SEMA6D: variants seen among roughly 807,000 people sequenced by gnomAD.
The protein encoded by SEMA6D is semaphorin 6D, also known as semaphorin-6D.
A neutral mutation model predicts 106.6 loss-of-function variants in SEMA6D; 35 were observed. The observed-to-expected ratio is 0.33, with a 90% CI of 0.25 to 0.44. The LOEUF is 0.44. Ranked by LOEUF, SEMA6D falls within the 20% of genes least tolerant of loss-of-function variation. The pLI, the probability that SEMA6D is intolerant of heterozygous loss-of-function variation, is 1.00. For missense variants in SEMA6D, 1,185 were observed against 1,345.9 expected (o/e 0.88, Z 1.87); for synonymous variants, 499 against 487.7 (o/e 1.02, Z -0.31).
At chr15:47,319,321 C>T (rs2036829887) in intron 1 of SEMA6D, among the ~76,000 whole-genome samples, 1 of 152,074 alleles carries the variant, frequency 6.6e-6, no homozygotes, top group African/African-American at 2.4e-5. Context: ...TTTGCTCTGC[C>T]TCTTCATGTT....
At chr15:47,283,593 C>A (rs2035228886) in intron 1 of SEMA6D, among the ~76,000 whole-genome samples, 1 of 152,164 alleles carries the variant, frequency 6.6e-6, no homozygotes, top group Non-Finnish European at 1.5e-5. Context: ...GACTTTTCGA[C>A]TTCAGAAAGA....
rs1228740454 is a variant in SEMA6D at position 47,348,718 on chromosome 15, CCACA to C, written c.-238-63668_-238-63665del. Among the ~76,000 whole-genome samples, 34 of 48,012 alleles carry C rather than the reference CCACA, an allele frequency of 7.1e-4. 3 individuals carry two copies. The highest frequency in any genetic ancestry group is 2.0e-3 in the South Asian group (2 of 986). The allele number at this position is 48,012 out of a possible 152,430, so 31.5% of individuals were successfully genotyped here. On this transcript the variant is annotated intron_variant, in intron 1 of 19. Transcript: ENST00000558014. The stretch of plus-strand genomic sequence containing the variant: ...ACACACACACACACACACACACACA[CCACA>C]CACACAGAGAGAGAGAGAGAGAGAG...
intron 1 of SEMA6D, among the ~76,000 whole-genome samples, chr15:47,739,599 T>C (rs1375168409): frequency 6.6e-6 from 1 of 152,234 alleles, no homozygotes; most frequent in African/African-American, 2.4e-5. Context: ...GGCAAGATGC[T>C]TAACTTCTAA....
At chr15:47,643,639 A>G (rs76144671) in intron 4 of SEMA6D, among the ~76,000 whole-genome samples, 12 of 152,332 alleles carry the variant, frequency 7.9e-5, no homozygotes, top group Non-Finnish European at 1.3e-4. Context: ...ATTGACAGGC[A>G]GTAGTCGTAC....
chr15:47,409,717 G>T (rs1305504941), intron 1 of SEMA6D, among the ~76,000 whole-genome samples: 1 of 152,080 alleles, frequency 6.6e-6, no homozygotes, highest in African/African-American at 2.4e-5. Context: ...CCAAGTAGAA[G>T]CCAAGCTAAG....
chr15:47,578,426 G>T (rs1201658402), intron 3 of SEMA6D, among the ~76,000 whole-genome samples: 1 of 152,154 alleles, frequency 6.6e-6, no homozygotes, highest in East Asian at 1.9e-4. Context: ...TCACATGGAC[G>T]TACAAGAGCA....
chr15:47,417,935 T>C (rs2140365967), intron 2 of SEMA6D, among the ~76,000 whole-genome samples: 1 of 152,116 alleles, frequency 6.6e-6, no homozygotes, highest in Non-Finnish European at 1.5e-5. Flanking sequence ...CAGATAAAAA[T>C]GTCTGCATTC....
At chr15:47,234,504 TC>T (rs2032415687) in intron 1 of SEMA6D, among the ~76,000 whole-genome samples, 1 of 151,896 alleles carries the variant, frequency 6.6e-6, no homozygotes, top group African/African-American at 2.4e-5. Context: ...CTTTCACCCT[TC>T]CCCTTCCTGA....
Position 47,247,773 on chromosome 15 carries a change from C to G in SEMA6D, c.-239+63355C>G, listed in dbSNP as rs145979188. 2.6e-3 allele frequency among the ~76,000 whole-genome samples: 400 copies of G among 152,274 alleles called. 2 individuals carry two copies. The highest frequency in any genetic ancestry group is 4.2e-3 in the Non-Finnish European group (283 of 68,022). ...TTCTAAATATGTGAGAAGAAATAGT[C>G]TAACTCTAAAAATTCCATCAGTCAC... On this transcript the variant is annotated intron_variant, in intron 1 of 19. Transcript: ENST00000558014.
chr15:47,637,655 G>A (rs181206087), intron 4 of SEMA6D, among the ~76,000 whole-genome samples: 3 of 152,260 alleles, frequency 2.0e-5, no homozygotes, highest in East Asian at 1.9e-4. Context: ...GCTTTTGGAA[G>A]TAGTTATTTT....
chr15:47,214,994 A>G (rs2030427012), intron 1 of SEMA6D, among the ~76,000 whole-genome samples: 1 of 151,698 alleles, frequency 6.6e-6, no homozygotes, highest in Non-Finnish European at 1.5e-5. Flanking sequence ...AATGAGCATG[A>G]TCTGTCTATA....
intron 1 of SEMA6D, among the ~76,000 whole-genome samples, chr15:47,731,314 C>A (rs1322505984): frequency 6.6e-6 from 1 of 151,524 alleles, no homozygotes; most frequent in East Asian, 1.9e-4. Context: ...GAGCCACTGC[C>A]CCCCCGCCCC....
chr15:47,675,715 A>G (rs1023534528), intron 4 of SEMA6D, among the ~76,000 whole-genome samples: 6 of 152,234 alleles, frequency 3.9e-5, no homozygotes, highest in African/African-American at 1.4e-4. Flanking sequence ...TGGCAATTCC[A>G]TGATCATCAG....
chr15:47,238,569 TC>T (rs2032704479), intron 1 of SEMA6D, among the ~76,000 whole-genome samples: 1 of 152,290 alleles, frequency 6.6e-6, no homozygotes, highest in South Asian at 2.1e-4. Flanking sequence ...GGCCAAGGAA[TC>T]TGTGTTCCCA....
intron 1 of SEMA6D, chr15:47,718,772 A>G (rs1421824221): frequency 6.6e-6 from 1 of 152,172 alleles, no homozygotes; most frequent in Non-Finnish European, 1.5e-5. Flanking sequence ...GGAAGAGTCA[A>G]TTTTGCTGAG....
intron 1 of SEMA6D, among the ~76,000 whole-genome samples, chr15:47,256,718 G>A (rs924822860): frequency 7.2e-5 from 11 of 152,036 alleles, no homozygotes; most frequent in African/African-American, 2.2e-4. Context: ...AATTAGCCGG[G>A]CTTGGTGGTG....
At chr15:47,193,068 G>C (rs1894076273) in intron 1 of SEMA6D, among the ~76,000 whole-genome samples, 1 of 152,084 alleles carries the variant, frequency 6.6e-6, no homozygotes, top group Non-Finnish European at 1.5e-5. Flanking sequence ...TCTCACGCTT[G>C]CCCTTGCAGA....
intron 1 of SEMA6D, among the ~76,000 whole-genome samples, chr15:47,725,039 G>A (rs1596789885): frequency 6.6e-6 from 1 of 152,188 alleles, no homozygotes; most frequent in Non-Finnish European, 1.5e-5. Context: ...TCTTAAACTT[G>A]AAAAGGCTTT....
intron 3 of SEMA6D, among the ~76,000 whole-genome samples, chr15:47,563,711 T>C (rs2046146071): frequency 6.6e-6 from 1 of 152,248 alleles, no homozygotes; most frequent in East Asian, 1.9e-4. Flanking sequence ...AAATAAGTCT[T>C]ACTTATTTTT....
Sources: gnomAD v4.1 joint callset for allele counts (sites outside exome capture counted in the v4.1 genomes callset) on GRCh38, gnomAD v4.1.1 for gene constraint, MANE v1.5 for transcripts, NCBI Gene and HGNC (gene_info 2026-07-23, HGNC 2026-07-21) for gene names.